Variants in SMAD7 observed in about 807,000 individuals in gnomAD.
SMAD7 encodes the protein MAD (mothers against decapentaplegic, Drosophila) homolog 7.
In SMAD7, 8 loss-of-function variants were observed where a neutral mutation model predicts 38.7. The ratio of observed to expected loss-of-function variants is 0.21; its 90% CI spans 0.12 to 0.37. SMAD7 has a LOEUF of 0.37. SMAD7 is among the 10% of genes least tolerant of loss of function. The pLI is 1.00. For synonymous variants in SMAD7, 327 were observed against 265.1 expected (o/e 1.23, Z -2.27); for missense variants, 477 against 577.9 (o/e 0.83, Z 1.79).
At chr18:48,937,953 G>C (rs1292631123) in intron 3 of SMAD7, among the ~76,000 whole-genome samples, 2 of 152,222 alleles carry the variant, frequency 1.3e-5, no homozygotes, top group Admixed American at 1.3e-4. Context: ...TAGCCAGGCA[G>C]GGGGAGGTGA....
chr18:48,941,885 G>GA (rs1259046225), intron 3 of SMAD7, among the ~76,000 whole-genome samples: 1 of 152,068 alleles, frequency 6.6e-6, no homozygotes, highest in Admixed American at 6.5e-5. Context: ...GAGCCCTGAG[G>GA]AAAACCTGCC....
chr18:48,921,313 C>A lies in SMAD7; in HGVS notation c.*59G>T. 1 of 1,442,148 alleles carries A rather than the reference C, an allele frequency of 6.9e-7. No homozygotes were observed. 89.3% of individuals were successfully genotyped at this position (1,442,148 alleles called of 1,614,324 possible). On this transcript the variant is annotated 3_prime_UTR_variant, in exon 4 of 4. Transcript: ENST00000262158. The surrounding 1 kb of genome is among the most constrained non-coding windows in gnomAD (Gnocchi z 6.4). ...CAAGCACTCAGGAGGAAAATATTAG[C>A]AGCAAAGTAGTTTGAAGTGTGGCCT...
chr18:48,948,692 C>T (rs542947238), intron 1 of SMAD7, among the ~76,000 whole-genome samples: 2 of 152,364 alleles, frequency 1.3e-5, no homozygotes, highest in East Asian at 1.9e-4. Flanking sequence ...GGCTGGAAAC[C>T]ACCGGCTCGG....
chr18:48,929,065 C>T (rs1017342196), intron 3 of SMAD7, among the ~76,000 whole-genome samples: 4 of 149,812 alleles, frequency 2.7e-5, no homozygotes, highest in African/African-American at 9.9e-5. Flanking sequence ...TGGGGACTCC[C>T]GACCCAGCCA....
chr18:48,925,946 C>G (rs760393074), intron 3 of SMAD7, among the ~76,000 whole-genome samples: 2 of 152,128 alleles, frequency 1.3e-5, no homozygotes, highest in Non-Finnish European at 2.9e-5. Flanking sequence ...CAGGGTTTCA[C>G]CGTGTTAGCC....
intron 3 of SMAD7, among the ~76,000 whole-genome samples, chr18:48,940,095 C>T (rs1370520973): frequency 6.6e-6 from 1 of 152,170 alleles, no homozygotes; most frequent in Non-Finnish European, 1.5e-5. Context: ...ATCACCTCCC[C>T]TCCAGACGCC....
rs1271258535 is a variant in SMAD7, at chr18:48,921,745, G to A, written c.908C>T (p.Ser303Leu). 4 of 1,614,012 alleles carry A rather than the reference G, an allele frequency of 2.5e-6. No individual in the cohort carries two copies. The highest frequency in any genetic ancestry group is 2.2e-5 in the East Asian group (1 of 44,890). The change falls in exon 4 of 4, where the codon TCG becomes TTG. Residue 303 changes from serine to leucine, a missense_variant. Around this residue, in one of 2 missense-constraint regions of SMAD7, gnomAD observed 101 missense variants for 198.5 expected, o/e 0.51. Coordinates refer to ENST00000262158, the MANE Select transcript of SMAD7 (RefSeq NM_005904.4). This position sits in a 1 kb window ranked among gnomAD's most constrained non-coding sequence, Gnocchi z 6.4. The stretch of plus-strand genomic sequence containing the variant: ...CTGCACCAGCTGACTCTTGTTGTCC[G>A]AATTGAGCTGTCCGAGGCAAAAGCC... ...GNGFCLGQLN[S>L]DNKSQLVQKV...
intron 3 of SMAD7, among the ~76,000 whole-genome samples, chr18:48,940,327 T>C (rs2070122541): frequency 6.6e-6 from 1 of 152,152 alleles, no homozygotes; most frequent in South Asian, 2.1e-4. Context: ...CTTCAGAGAG[T>C]CACTGCTTCT....
intron 2 of SMAD7, among the ~76,000 whole-genome samples, chr18:48,945,312 A>C (rs891524991): frequency 1.3e-5 from 2 of 152,160 alleles, no homozygotes; most frequent in Non-Finnish European, 2.9e-5. Context: ...AATACAAAAA[A>C]TTAGCTGGGC....
chr18:48,943,748 C>CA (rs959373979), intron 2 of SMAD7, among the ~76,000 whole-genome samples: 42 of 150,702 alleles, frequency 2.8e-4, no homozygotes, highest in African/African-American at 7.1e-4. Context: ...ATAGGAAAGC[C>CA]AAAAAAAAAG....
At chr18:48,943,578 C>T (rs530102282) in intron 2 of SMAD7, among the ~76,000 whole-genome samples, 1 of 152,348 alleles carries the variant, frequency 6.6e-6, no homozygotes, top group African/African-American at 2.4e-5. Flanking sequence ...GCGCCAAACT[C>T]CCTGAAGTCC....
chr18:48,944,311 G>T (rs1261197910), intron 2 of SMAD7, among the ~76,000 whole-genome samples: 1 of 152,170 alleles, frequency 6.6e-6, no homozygotes. Flanking sequence ...GGCAAGGTGT[G>T]TTTCAAAGGA....
rs1052949642 is a variant in SMAD7, at chr18:48,944,058, A to G, written c.668-1503T>C. Among the ~76,000 whole-genome samples, 49 of 152,348 alleles carry G rather than the reference A, an allele frequency of 3.2e-4. 1 individual carries two copies. Among genetic ancestry groups the G allele is most frequent in the Non-Finnish European group, 4.6e-4 (31 of 68,028 alleles). ...AGTCTAATTCCTAACAGGAATATAC[A>G]GTTTTACAGGATACACTTAATCAAA... is the stretch of plus-strand genomic sequence containing the variant. On this transcript the variant is annotated intron_variant, in intron 2 of 3. Coordinates refer to ENST00000262158, the MANE Select transcript of SMAD7 (RefSeq NM_005904.4).
intron 3 of SMAD7, among the ~76,000 whole-genome samples, chr18:48,929,830 C>G (rs2069975278): frequency 6.6e-6 from 1 of 151,894 alleles, no homozygotes; most frequent in South Asian, 2.1e-4. Flanking sequence ...AAAGGCAGAC[C>G]CTTCTCCCAC....
intron 2 of SMAD7, among the ~76,000 whole-genome samples, chr18:48,947,918 T>C (rs12967182): frequency 4.7e-4 from 66 of 139,486 alleles, no homozygotes; most frequent in African/African-American, 1.6e-3. Context: ...TACTGGCTGT[T>C]GCCTATACTT....
intron 2 of SMAD7, among the ~76,000 whole-genome samples, chr18:48,945,198 C>A (rs527632125): frequency 2.8e-4 from 43 of 152,098 alleles, no homozygotes; most frequent in African/African-American, 9.7e-4. Flanking sequence ...CAGTGGCTCA[C>A]GCCTGTAATC....
rs1397163051 is a variant in SMAD7 at position 48,950,524 on chromosome 18, G to T, written c.-100C>A. ...GTCGGGCGCCGAGTTGGGGCAGCAG[G>T]CGCAGGCGACAGCAGCAGCAGCAGG... is the stretch of plus-strand genomic sequence containing the variant. On this transcript the variant is annotated 5_prime_UTR_variant, in exon 1 of 4. Coordinates refer to ENST00000262158, the MANE Select transcript of SMAD7 (RefSeq NM_005904.4). 4.0e-5 allele frequency: 49 copies of T among 1,235,160 alleles called. No individual in the cohort carries two copies. Among genetic ancestry groups the T allele is most frequent in the Non-Finnish European group, 5.1e-5 (47 of 924,352 alleles). The allele number at this position is 1,235,160 out of a possible 1,614,324, so 76.5% of individuals were successfully genotyped here. A position where few individuals can be genotyped will look rare whatever the true frequency, so the allele number is the denominator to read the frequency against.
chr18:48,946,594 C>T (rs1380016357), intron 2 of SMAD7, among the ~76,000 whole-genome samples: 1 of 152,170 alleles, frequency 6.6e-6, no homozygotes, highest in African/African-American at 2.4e-5. Context: ...GGGTGAGTAA[C>T]CAGCTGTCTT....
chr18:48,939,744 G>T (rs1436790526), intron 3 of SMAD7, among the ~76,000 whole-genome samples: 3 of 152,106 alleles, frequency 2.0e-5, no homozygotes, highest in Non-Finnish European at 2.9e-5. Flanking sequence ...AGCACACAGG[G>T]CCTGTGAAAG....
Sources: gnomAD v4.1 joint callset for allele counts (sites outside exome capture counted in the v4.1 genomes callset) on GRCh38, gnomAD v4.1.1 for gene constraint, gnomAD v4.1.1 regional missense constraint, Gnocchi (gnomAD v3.1) non-coding constraint, MANE v1.5 for transcripts, NCBI Gene and HGNC (gene_info 2026-07-23, HGNC 2026-07-21) for gene names.